SUSD1: variants seen among roughly 807,000 people sequenced by gnomAD.
SUSD1 encodes sushi domain-containing protein 1.
Under a neutral mutation model 86.9 loss-of-function variants are expected in SUSD1, and 65 were observed. That is an observed-to-expected ratio of 0.75 (90% CI 0.61 to 0.92). The LOEUF (loss-of-function observed/expected upper bound fraction) is 0.92, where lower values mean the gene tolerates loss of function less well. Ranked by LOEUF, SUSD1 falls within the 40% of genes least tolerant of loss-of-function variation. The pLI is 0.00. For synonymous variants in SUSD1, 346 were observed against 350.0 expected (o/e 0.99, Z 0.13); for missense variants, 850 against 929.7 (o/e 0.91, Z 1.11).
chr9:112,101,852 A>C (rs1830649804), intron 9 of SUSD1, among the ~76,000 whole-genome samples: 1 of 152,238 alleles, frequency 6.6e-6, no homozygotes, highest in African/African-American at 2.4e-5. Flanking sequence ...GTCTCAAAAA[A>C]TAAAAATAAA....
intron 12 of SUSD1, among the ~76,000 whole-genome samples, chr9:112,070,496 C>T (rs930655733): frequency 1.3e-5 from 2 of 152,202 alleles, no homozygotes. Context: ...AACCTCGTTA[C>T]TGATTTAAAC....
intron 5 of SUSD1, among the ~76,000 whole-genome samples, chr9:112,141,997 C>T (rs1589716647): frequency 6.7e-6 from 1 of 149,662 alleles, no homozygotes; most frequent in Non-Finnish European, 1.5e-5. Context: ...CAAACCATTT[C>T]CCTAATAGTC....
At chr9:112,051,551 C>A (rs959684965) in intron 15 of SUSD1, among the ~76,000 whole-genome samples, 1 of 151,472 alleles carries the variant, frequency 6.6e-6, no homozygotes, top group African/African-American at 2.4e-5. Flanking sequence ...CCTGCCTCAG[C>A]CTCCCGAGTA....
At chr9:112,115,169 C>T (rs1413317214) in intron 6 of SUSD1, among the ~76,000 whole-genome samples, 3 of 152,184 alleles carry the variant, frequency 2.0e-5, no homozygotes, top group Non-Finnish European at 4.4e-5. Context: ...GAAGCCTGCA[C>T]CTTAGGTACC....
chr9:112,085,656 T>C (rs1241676339), intron 10 of SUSD1, among the ~76,000 whole-genome samples: 1 of 152,114 alleles, frequency 6.6e-6, no homozygotes. Flanking sequence ...GTGGAAATCA[T>C]GGAAGAAAGA....
At chr9:112,156,186 G>A (rs921281423) in intron 2 of SUSD1, among the ~76,000 whole-genome samples, 2 of 151,184 alleles carry the variant, frequency 1.3e-5, no homozygotes, top group South Asian at 2.1e-4. Flanking sequence ...CTCACTGGCC[G>A]GGCGCAGTGG....
At chr9:112,137,209 G>A (rs1832303106) in intron 5 of SUSD1, among the ~76,000 whole-genome samples, 1 of 152,158 alleles carries the variant, frequency 6.6e-6, no homozygotes, top group Admixed American at 6.5e-5. Flanking sequence ...GAAACCATGT[G>A]CTCAGAAAGG....
At chr9:112,077,302 G>A (rs1219977287) in intron 12 of SUSD1, among the ~76,000 whole-genome samples, 1 of 151,996 alleles carries the variant, frequency 6.6e-6, no homozygotes, top group Non-Finnish European at 1.5e-5. Flanking sequence ...AGGGCTGAGC[G>A]TGGGAAGTCC....
chr9:112,118,503 G>GA lies in SUSD1; in HGVS notation c.887-5636dup, dbSNP rs1273022061. The stretch of plus-strand genomic sequence containing the variant: ...ACGCGAATACTTTTTTTCTTTTTTG[G>GA]AGACGGAGTCTTGCGCTGTAGCCCA... On this transcript the variant is annotated intron_variant, in intron 6 of 16. Coordinates refer to ENST00000374270, the MANE Select transcript of SUSD1 (RefSeq NM_022486.5). Among the ~76,000 whole-genome samples, 3 of 151,852 alleles carry GA rather than the reference G, an allele frequency of 2.0e-5. No homozygotes were observed. The East Asian group carries it at 5.8e-4, about 29-fold the overall frequency.
Position 112,128,594 on chromosome 9 carries a change from AT to A in SUSD1, c.707-4159del, listed in dbSNP as rs376716690. Among the ~76,000 whole-genome samples, 216 of 152,270 alleles carry A rather than the reference AT, an allele frequency of 1.4e-3. 2 individuals are homozygous for A. The highest frequency in any genetic ancestry group is 5.0e-3 in the African/African-American group (207 of 41,558). On this transcript the variant is annotated intron_variant, in intron 5 of 16. Coordinates refer to ENST00000374270, the MANE Select transcript of SUSD1 (RefSeq NM_022486.5). ...TTTTAGTAGAGACAAGAGTTTCATC[AT>A]GTTGGCCAGGTTAATCTTAAACTCC... is the stretch of plus-strand genomic sequence containing the variant.
At chr9:112,108,072 A>G (rs1422272103) in intron 8 of SUSD1, among the ~76,000 whole-genome samples, 1 of 152,238 alleles carries the variant, frequency 6.6e-6, no homozygotes, top group Non-Finnish European at 1.5e-5. Flanking sequence ...ACAACAACAC[A>G]GTATAAATGT....
chr9:112,062,985 A>G lies in SUSD1; in HGVS notation c.1802T>C (p.Leu601Pro), dbSNP rs138572123. ...VEFFTVHRGP[L>P]PRLRLRKAKE... is the part of the protein sequence containing the mutation. ...GGCTTTCCTCAGTCTGAGGCGTGGT[A>G]GAGGTCCTCTGTGCACCGTAAAAAA... Residue 601 changes from leucine (L) to proline (P), a missense_variant, in exon 13 of 17, where the codon CTA becomes CCA. Physicochemically the swap from Leu to Pro is moderately conservative, Grantham distance 98 (BLOSUM62 -3). Coordinates refer to ENST00000374270, the MANE Select transcript of SUSD1 (RefSeq NM_022486.5). 8.7e-6 allele frequency: 14 copies of G among 1,613,676 alleles called. No homozygotes were observed. Among genetic ancestry groups the G allele is most frequent in the Non-Finnish European group, 1.2e-5 (14 of 1,179,770 alleles).
chr9:112,090,593 T>A (rs989358382), intron 10 of SUSD1, among the ~76,000 whole-genome samples: 1 of 152,114 alleles, frequency 6.6e-6, no homozygotes, highest in African/African-American at 2.4e-5. Flanking sequence ...ACATTACTTA[T>A]AAATATTGGT....
chr9:112,050,615 G>C (rs925625958), intron 15 of SUSD1, among the ~76,000 whole-genome samples: 2 of 152,132 alleles, frequency 1.3e-5, no homozygotes, highest in Non-Finnish European at 2.9e-5. Flanking sequence ...GGGGAGAGGA[G>C]GTAAAGGGTT....
chr9:112,108,935 T>G (rs1261117288), intron 8 of SUSD1, among the ~76,000 whole-genome samples: 1 of 146,208 alleles, frequency 6.8e-6, no homozygotes, highest in East Asian at 2.0e-4. Flanking sequence ...GGAAAAAAAA[T>G]AGTAATAAAA....
intron 15 of SUSD1, among the ~76,000 whole-genome samples, chr9:112,048,905 T>C (rs952656702): frequency 6.6e-6 from 1 of 152,110 alleles, no homozygotes; most frequent in African/African-American, 2.4e-5. Context: ...AGCTGGAACA[T>C]TGGTTTGAAT....
intron 6 of SUSD1, among the ~76,000 whole-genome samples, chr9:112,122,581 A>G (rs948018657): frequency 3.3e-5 from 5 of 152,200 alleles, no homozygotes; most frequent in Non-Finnish European, 7.3e-5. Context: ...GGTATGAGCC[A>G]TTGCACCAGG....
At chr9:112,141,940 A>C (rs1349187261) in intron 5 of SUSD1, among the ~76,000 whole-genome samples, 1 of 148,288 alleles carries the variant, frequency 6.7e-6, no homozygotes, top group African/African-American at 2.5e-5. Context: ...ATATATATAT[A>C]TATACACCTA....
intron 12 of SUSD1, among the ~76,000 whole-genome samples, chr9:112,074,864 G>C (rs185169866): frequency 6.7e-6 from 1 of 149,148 alleles, no homozygotes; most frequent in Non-Finnish European, 1.5e-5. Flanking sequence ...TTAAAATTAC[G>C]AGTCCTTTAA....
Sources: gnomAD v4.1 joint callset for allele counts (sites outside exome capture counted in the v4.1 genomes callset) on GRCh38, gnomAD v4.1.1 for gene constraint, MANE v1.5 for transcripts, NCBI Gene and HGNC (gene_info 2026-07-23, HGNC 2026-07-21) for gene names.